Variants in PTPRD observed in about 807,000 individuals in gnomAD.
PTPRD encodes the protein protein tyrosine phosphatase receptor type D, also known as receptor-type tyrosine-protein phosphatase delta.
Under a neutral mutation model 214.5 loss-of-function variants are expected in PTPRD, and 34 were observed. That is an observed-to-expected ratio of 0.16 (90% CI 0.12 to 0.21). The LOEUF (loss-of-function observed/expected upper bound fraction) is 0.21. Ranked by LOEUF, PTPRD falls within the 10% of genes least tolerant of loss-of-function variation. The pLI is 1.00. For synonymous variants in PTPRD, 1,128 were observed against 845.7 expected (o/e 1.33, Z -5.79); for missense variants, 2,545 against 2,398.7 (o/e 1.06, Z -1.27).
rs12003473 is a variant in PTPRD at position 10,333,312 on chromosome 9, G to A, written c.-545+7651C>T. ...ACCACAGGAGCCTTTGGTCCCTCGC[G>A]TTTTGTTTATAGCTTGTTCAGCACT... On this transcript the variant is annotated intron_variant, in intron 3 of 45. Transcript: ENST00000381196. Among the ~76,000 whole-genome samples, 404 of 151,862 alleles carry A rather than the reference G, an allele frequency of 2.7e-3. 4 individuals are homozygous for A. The highest frequency in any genetic ancestry group is 0.022 in the South Asian group (105 of 4,824).
intron 11 of PTPRD, among the ~76,000 whole-genome samples, chr9:8,786,620 G>A (rs989610774): frequency 1.3e-5 from 2 of 151,090 alleles, no homozygotes; most frequent in Non-Finnish European, 2.9e-5. Context: ...TCACCACGTT[G>A]GCGAGGCTGG....
At chr9:9,965,785 G>C (rs2094647868) in intron 4 of PTPRD, among the ~76,000 whole-genome samples, 1 of 152,104 alleles carries the variant, frequency 6.6e-6, no homozygotes, top group African/African-American at 2.4e-5. Context: ...CAGTACTTAT[G>C]CTACATTGTC....
intron 35 of PTPRD, among the ~76,000 whole-genome samples, chr9:8,414,816 T>C (rs2093780694): frequency 6.8e-6 from 1 of 146,124 alleles, no homozygotes; most frequent in African/African-American, 2.5e-5. Context: ...GACAGTGTCA[T>C]AACCATCAGT....
At chr9:10,518,505 A>C (rs1439967232) in intron 2 of PTPRD, among the ~76,000 whole-genome samples, 3 of 152,142 alleles carry the variant, frequency 2.0e-5, no homozygotes, top group Non-Finnish European at 4.4e-5. Context: ...AGCTTGGTCA[A>C]GGTTAAAATT....
At position 8,690,528 on chromosome 9, in the gene PTPRD, C is replaced by CAA. The variant is rs60727792; in HGVS notation, c.64+43250_64+43251dup. 1.2e-3 allele frequency among the ~76,000 whole-genome samples: 147 copies of CAA among 126,868 alleles called. 2 individuals carry two copies. Among genetic ancestry groups the CAA allele is most frequent in the Admixed American group, 2.1e-3 (27 of 12,676 alleles). The allele number at this position is 126,868 out of a possible 152,430, so 83.2% of individuals were successfully genotyped here. On this transcript the variant is annotated intron_variant, in intron 12 of 45. Coordinates refer to ENST00000381196, the MANE Select transcript of PTPRD (RefSeq NM_002839.4). ...TGGGCGACAGAGCAAGACTCCGTCT[C>CAA]AAAAAAAAAAAAAAAATTAGATTTA...
intron 2 of PTPRD, among the ~76,000 whole-genome samples, chr9:10,360,675 AC>A (rs1254202131): frequency 2.0e-5 from 3 of 152,092 alleles, no homozygotes; most frequent in Non-Finnish European, 2.9e-5. Context: ...ATTATTGATG[AC>A]CCCCCAAAAG....
chr9:9,807,151 A>G (rs117238472), intron 5 of PTPRD, among the ~76,000 whole-genome samples: 110 of 152,238 alleles, frequency 7.2e-4, no homozygotes, highest in Admixed American at 1.6e-3. Flanking sequence ...CTCAGTCTCT[A>G]TCTTATGCCC....
chr9:9,428,237 CA>C (rs531726821), intron 8 of PTPRD, among the ~76,000 whole-genome samples: 5,961 of 148,604 alleles, frequency 0.04, 187 homozygotes, highest in Non-Finnish European at 0.054. Context: ...AAATGGAAAA[CA>C]AAAAAAAAGC....
intron 3 of PTPRD, among the ~76,000 whole-genome samples, chr9:10,181,942 T>TAAAAA (rs3075573): frequency 0.068 from 2,630 of 38,490 alleles, 118 homozygotes; most frequent in Non-Finnish European, 0.11. Flanking sequence ...TCATAAATAC[T>TAAAAA]AAAAAAAAAA....
At chr9:8,616,179 G>A (rs986250835) in intron 14 of PTPRD, among the ~76,000 whole-genome samples, 4 of 152,024 alleles carry the variant, frequency 2.6e-5, no homozygotes, top group Non-Finnish European at 5.9e-5. Flanking sequence ...ACCACATGAG[G>A]CTTTTTTAGG....
At chr9:8,774,518 G>C (rs1346424198) in intron 11 of PTPRD, among the ~76,000 whole-genome samples, 1 of 135,494 alleles carries the variant, frequency 7.4e-6, no homozygotes. Flanking sequence ...AAATGCATGT[G>C]AAAAGTAACT....
chr9:10,514,227 T>G (rs2133925557), intron 2 of PTPRD, among the ~76,000 whole-genome samples: 1 of 152,216 alleles, frequency 6.6e-6, no homozygotes, highest in Non-Finnish European at 1.5e-5. Context: ...TTCATTTTTG[T>G]ACAAGTATAG....
intron 3 of PTPRD, among the ~76,000 whole-genome samples, chr9:10,167,823 C>T (rs1004384811): frequency 6.6e-6 from 1 of 152,142 alleles, no homozygotes; most frequent in Non-Finnish European, 1.5e-5. Context: ...AGAGTTGATA[C>T]TGTGTGATAG....
chr9:10,334,859 A>G (rs1024103801), intron 3 of PTPRD, among the ~76,000 whole-genome samples: 2 of 151,712 alleles, frequency 1.3e-5, no homozygotes, highest in Non-Finnish European at 2.9e-5. Flanking sequence ...GCCCAAGAAA[A>G]TGAAATACTT....
At chr9:9,384,582 C>G (rs564789562) in intron 9 of PTPRD, among the ~76,000 whole-genome samples, 2 of 151,306 alleles carry the variant, frequency 1.3e-5, no homozygotes, top group South Asian at 4.2e-4. Flanking sequence ...CTAATTAAGC[C>G]AACTCCTAAA....
intron 8 of PTPRD, among the ~76,000 whole-genome samples, chr9:9,483,908 C>A (rs2095520121): frequency 6.6e-6 from 1 of 151,046 alleles, no homozygotes; most frequent in South Asian, 2.1e-4. Context: ...CCTTTGTATC[C>A]TATCACGTTT....
At chr9:10,503,332 G>T (rs1001267609) in intron 2 of PTPRD, among the ~76,000 whole-genome samples, 1 of 151,564 alleles carries the variant, frequency 6.6e-6, no homozygotes, top group South Asian at 2.1e-4. Flanking sequence ...GCAAAAGAAG[G>T]TTCGTTTTTA....
At chr9:8,402,490 A>C (rs1347506999) in intron 36 of PTPRD, among the ~76,000 whole-genome samples, 1 of 152,230 alleles carries the variant, frequency 6.6e-6, no homozygotes, top group African/African-American at 2.4e-5. Flanking sequence ...AGTGGAAACA[A>C]TGCTACAATA....
intron 11 of PTPRD, among the ~76,000 whole-genome samples, chr9:8,940,280 C>CGTT (rs763715400): frequency 2.2e-5 from 2 of 89,050 alleles, no homozygotes; most frequent in Non-Finnish European, 4.1e-5. Flanking sequence ...TCTCTCTCTC[C>CGTT]TTTTTTTTTT....
Sources: allele counts gnomAD v4.1 joint callset (sites outside exome capture counted in the v4.1 genomes callset), GRCh38; gene constraint gnomAD v4.1.1; transcripts MANE v1.5; gene names NCBI Gene and HGNC (gene_info 2026-07-23, HGNC 2026-07-21).